ELF2: variants seen among roughly 807,000 people sequenced by gnomAD.
ELF2 encodes ETS-related transcription factor Elf-2.
ELF2 carries 11 observed loss-of-function variants against 54.8 expected under a neutral mutation model. That is an observed-to-expected ratio of 0.20 (90% CI 0.13 to 0.33). The LOEUF is 0.33. Ranked by LOEUF, ELF2 falls within the 10% of genes least tolerant of loss-of-function variation. The pLI, the probability that ELF2 is intolerant of heterozygous loss-of-function variation, is 1.00. For missense variants in ELF2, 513 were observed against 703.0 expected (o/e 0.73, Z 3.06); for synonymous variants, 203 against 245.1 (o/e 0.83, Z 1.61).
chr4:139,099,530 C>T (rs776720967), intron 4 of ELF2, among the ~76,000 whole-genome samples: 12 of 152,182 alleles, frequency 7.9e-5, no homozygotes, highest in Non-Finnish European at 1.5e-4. Flanking sequence ...CGTCTTCCAT[C>T]CTATCCTCAA....
chr4:139,098,468 A>C (rs1018486910), intron 4 of ELF2, among the ~76,000 whole-genome samples: 2 of 148,732 alleles, frequency 1.3e-5, no homozygotes, highest in African/African-American at 4.9e-5. Context: ...TATTTTTAAA[A>C]CTTTTTTTTT....
chr4:139,153,987 A>G (rs1202307300), intron 1 of ELF2, among the ~76,000 whole-genome samples: 1 of 151,936 alleles, frequency 6.6e-6, no homozygotes, highest in Non-Finnish European at 1.5e-5. Context: ...TTTCCCCTTT[A>G]AAGGTTGAAG....
At chr4:139,170,906 C>T (rs964875486) in intron 1 of ELF2, among the ~76,000 whole-genome samples, 3 of 151,860 alleles carry the variant, frequency 2.0e-5, no homozygotes, top group Admixed American at 6.6e-5. Context: ...CCACCACCTC[C>T]GGCTAATTTT....
At chr4:139,112,100 G>A (rs188130003) in intron 4 of ELF2, among the ~76,000 whole-genome samples, 14 of 152,234 alleles carry the variant, frequency 9.2e-5, no homozygotes, top group Admixed American at 6.5e-4. Flanking sequence ...AAAGCCCTCA[G>A]CAATAAGATT....
intron 1 of ELF2, among the ~76,000 whole-genome samples, chr4:139,154,338 G>A (rs911305856): frequency 2.0e-5 from 3 of 152,038 alleles, no homozygotes; most frequent in African/African-American, 7.2e-5. Flanking sequence ...AGAAGTAGAC[G>A]TATCTAGTTC....
At chr4:139,110,204 T>C (rs544940504) in intron 4 of ELF2, among the ~76,000 whole-genome samples, 2 of 152,258 alleles carry the variant, frequency 1.3e-5, no homozygotes, top group East Asian at 3.9e-4. Context: ...AGATTAAGAC[T>C]CTTAAAGTGG....
At chr4:139,065,051 A>T (rs1190614420) in intron 7 of ELF2, among the ~76,000 whole-genome samples, 1 of 152,108 alleles carries the variant, frequency 6.6e-6, no homozygotes, top group African/African-American at 2.4e-5. Flanking sequence ...TTTTGTTCAC[A>T]TAGTAGTAAA....
Position 139,057,278 on chromosome 4 carries a change from T to C in ELF2, c.*1705A>G, listed in dbSNP as rs1314961311. Reference sequence around the variant, plus strand: ...TTTTCTTTGAGCTTTTGTATAAAAGTATCATCAATATATTTATGGAAAAGT... The same window carrying C: ...TTTTCTTTGAGCTTTTGTATAAAAGCATCATCAATATATTTATGGAAAAGT... On this transcript the variant is annotated 3_prime_UTR_variant, in exon 10 of 10. Coordinates refer to ENST00000686138, the MANE Select transcript of ELF2 (RefSeq NM_001331036.3). 1 of 152,226 alleles carries C rather than the reference T, an allele frequency of 6.6e-6. No homozygotes were observed. The highest frequency in any genetic ancestry group is 2.4e-5 in the African/African-American group (1 of 41,464). The allele number at this position is 152,226 out of a possible 1,614,324, so 9.4% of individuals were successfully genotyped here. A position where few individuals can be genotyped will look rare whatever the true frequency, so the allele number is the denominator to read the frequency against.
At chr4:139,159,960 G>A (rs1159383706) in intron 1 of ELF2, among the ~76,000 whole-genome samples, 1 of 152,218 alleles carries the variant, frequency 6.6e-6, no homozygotes, top group Non-Finnish European at 1.5e-5. Flanking sequence ...GAGGGCTCAA[G>A]TTAAGGCAAT....
At chr4:139,142,404 A>C (rs1327230917) in intron 1 of ELF2, among the ~76,000 whole-genome samples, 1 of 137,502 alleles carries the variant, frequency 7.3e-6, no homozygotes, top group East Asian at 2.0e-4. Context: ...AAGAGGAAGA[A>C]AGAATAGTTG....
At position 139,059,132 on chromosome 4, in the gene ELF2, CTTGCTTTT is replaced by C. The variant is rs1727433205; in HGVS notation, c.1625_1632del (p.Lys542ArgfsTer3). 6.2e-7 allele frequency: 1 copy of C among 1,613,846 alleles called. No homozygotes were observed. Among genetic ancestry groups the C allele is most frequent in the Admixed American group, 1.7e-5 (1 of 59,984 alleles). On this transcript the variant is annotated frameshift_variant, in exon 10 of 10. Coordinates refer to ENST00000686138, the MANE Select transcript of ELF2 (RefSeq NM_001331036.3). LOFTEE classifies it high-confidence loss of function. ...AGCTGCAAAGTTTTCACATCATGTT[CTTGCTTTT>C]TTGCCACTGCTTCCGATTTAACCTC...
At chr4:139,122,722 C>T (rs1736509807) in intron 4 of ELF2, among the ~76,000 whole-genome samples, 1 of 151,434 alleles carries the variant, frequency 6.6e-6, no homozygotes, top group South Asian at 2.1e-4. Context: ...AGGATGGTCT[C>T]GATCTCTTGA....
intron 2 of ELF2, among the ~76,000 whole-genome samples, chr4:139,138,295 T>G (rs771904944): frequency 2.0e-5 from 3 of 152,038 alleles, no homozygotes; most frequent in Non-Finnish European, 4.4e-5. Flanking sequence ...AGCGTGCCTG[T>G]AGTCCCAGCT....
chr4:139,137,694 G>C lies in ELF2; in HGVS notation c.8C>G (p.Ser3Ter). The change falls in exon 3 of 10, where the codon TCA becomes TGA. Residue 3 changes from serine to a stop codon, truncating the protein, a stop_gained. Transcript: ENST00000686138. LOFTEE classifies it high-confidence loss of function. The part of the protein sequence containing the change: MT[S>*]AVVDSGGTIL... ...AGTACCTCCACTGTCAACCACTGCT[G>C]ATGTCATTGTTATTCCCTGAGGAAG... The C allele has an allele frequency of 6.2e-7, 1 of 1,613,980 alleles. No homozygotes were observed. Among genetic ancestry groups the C allele is most frequent in the Non-Finnish European group, 8.5e-7 (1 of 1,179,992 alleles).
intron 1 of ELF2, among the ~76,000 whole-genome samples, chr4:139,158,767 T>G (rs571824790): frequency 1.3e-5 from 2 of 152,288 alleles, no homozygotes; most frequent in Admixed American, 6.5e-5. Flanking sequence ...ATTAGAGAGT[T>G]TCCAAGGGAG....
intron 1 of ELF2, among the ~76,000 whole-genome samples, chr4:139,141,261 T>C (rs896476160): frequency 1.3e-5 from 2 of 152,192 alleles, no homozygotes; most frequent in Non-Finnish European, 2.9e-5. Context: ...AAAGGCCAAG[T>C]TCTATTTTTG....
intron 4 of ELF2, among the ~76,000 whole-genome samples, chr4:139,081,949 C>T (rs1206517366): frequency 1.3e-5 from 2 of 152,030 alleles, no homozygotes; most frequent in East Asian, 1.9e-4. Flanking sequence ...GTATATAGTA[C>T]AGAAATGCAG....
intron 4 of ELF2, among the ~76,000 whole-genome samples, chr4:139,075,833 T>A (rs1265463910): frequency 3.3e-5 from 5 of 152,206 alleles, no homozygotes; most frequent in Admixed American, 3.3e-4. Flanking sequence ...TAATTTCACA[T>A]CCTGACTTAA....
At chr4:139,088,116 G>A (rs1024641701) in intron 4 of ELF2, among the ~76,000 whole-genome samples, 7 of 151,680 alleles carry the variant, frequency 4.6e-5, no homozygotes, top group South Asian at 2.1e-4. Context: ...GTGACAGCCC[G>A]TCTCTACTAA....
Sources: gnomAD v4.1 joint callset for allele counts (sites outside exome capture counted in the v4.1 genomes callset) on GRCh38, gnomAD v4.1.1 for gene constraint, MANE v1.5 for transcripts, NCBI Gene and HGNC (gene_info 2026-07-23, HGNC 2026-07-21) for gene names.